MYO5B: variants seen among roughly 807,000 people sequenced by gnomAD.
MYO5B encodes the protein unconventional myosin-Vb.
Under a neutral mutation model 229.3 loss-of-function variants are expected in MYO5B, and 143 were observed. The observed-to-expected ratio is 0.62, with a 90% CI of 0.54 to 0.72. The LOEUF is 0.72. Ranked by LOEUF, MYO5B falls within the 30% of genes least tolerant of loss-of-function variation. The pLI, the probability that MYO5B is intolerant of heterozygous loss-of-function variation, is 0.00. For synonymous variants in MYO5B, 918 were observed against 885.2 expected, an observed-to-expected ratio of 1.04 and a Z score of -0.66; for missense variants, 2,321 against 2,331.0, an observed-to-expected ratio of 1.00 and a Z score of 0.09.
intron 2 of MYO5B, among the ~76,000 whole-genome samples, chr18:50,052,632 C>G (rs1238509755): frequency 6.7e-6 from 1 of 150,184 alleles, no homozygotes; most frequent in Non-Finnish European, 1.5e-5. Context: ...GTACAGCACA[C>G]CAGCATGGCA....
intron 26 of MYO5B, among the ~76,000 whole-genome samples, 159 bp from the exon 27 acceptor site, chr18:49,872,391 C>A (rs1341810428): frequency 6.6e-6 from 1 of 152,034 alleles, no homozygotes; most frequent in African/African-American, 2.4e-5. Flanking sequence ...CAAAGTGCAG[C>A]TCAACACTCC....
chr18:50,148,225 A>G (rs1476801680), intron 1 of MYO5B, among the ~76,000 whole-genome samples: 2 of 150,570 alleles, frequency 1.3e-5, no homozygotes, highest in East Asian at 3.9e-4. Flanking sequence ...CCAGGACCAG[A>G]TGGATTCACA....
At chr18:49,837,014 T>C (rs371664287) in intron 37 of MYO5B, 129 bp from the exon 38 acceptor site, 7 of 902,082 alleles carry the variant, frequency 7.8e-6, no homozygotes, top group Non-Finnish European at 7.0e-6. Flanking sequence ...TTAAAAAGCA[T>C]GGCAAGTGCC....
rs1202621638 is a variant in MYO5B at position 49,875,803 on chromosome 18, TGGC to T, written c.3418_3420del (p.Ala1140del). 6.2e-7 allele frequency: 1 copy of T among 1,614,202 alleles called. No homozygotes were observed. The highest frequency in any genetic ancestry group is 1.7e-5 in the Admixed American group (1 of 60,032). On this transcript the variant is annotated inframe_deletion, in exon 26 of 40. Transcript: ENST00000285039. The stretch of plus-strand genomic sequence containing the variant: ...AGCTTCAGGAAGACCGTCATGTCCA[TGGC>T]TGCCTTCTCCAGGCCAATTTCCTTC...
At chr18:50,119,024 T>C (rs1203421202) in intron 1 of MYO5B, among the ~76,000 whole-genome samples, 1 of 152,188 alleles carries the variant, frequency 6.6e-6, no homozygotes. Context: ...AAGATGTAAA[T>C]GATCAAGAGC....
intron 4 of MYO5B, among the ~76,000 whole-genome samples, chr18:50,023,376 G>A (rs956306161): frequency 2.6e-5 from 4 of 152,126 alleles, no homozygotes; most frequent in Admixed American, 2.0e-4. Flanking sequence ...CCAAGCTGCG[G>A]CGTGACCACA....
chr18:50,157,115 G>A (rs919800076), intron 1 of MYO5B, among the ~76,000 whole-genome samples: 2 of 151,676 alleles, frequency 1.3e-5, no homozygotes, highest in African/African-American at 4.8e-5. Context: ...CTGGGGGTGG[G>A]GAGGTGGGGG....
intron 1 of MYO5B, among the ~76,000 whole-genome samples, chr18:50,074,827 T>A (rs2144456003): frequency 6.6e-6 from 1 of 152,160 alleles, no homozygotes; most frequent in Admixed American, 6.5e-5. Context: ...TGGGGGTTTT[T>A]TTGTTTGTTT....
chr18:49,875,298 C>T (rs1293453921), intron 26 of MYO5B, among the ~76,000 whole-genome samples: 1 of 152,186 alleles, frequency 6.6e-6, no homozygotes, highest in Non-Finnish European at 1.5e-5. Context: ...AAAGGCTGAA[C>T]CCAAGCCCAT....
In MYO5B at chr18:50,097,068, C is replaced by T. The variant is rs141658090; in HGVS notation, c.28-41690G>A. On this transcript the variant is annotated intron_variant, in intron 1 of 39. Transcript: ENST00000285039. ...CAGTGAAATGACTTCATTTCCCAGG[C>T]AAGTCCCCAGATTTTCAACACTGCT... 1.2e-4 allele frequency among the ~76,000 whole-genome samples: 18 copies of T among 152,320 alleles called. No homozygotes were observed. The East Asian group carries it at 3.5e-3, about 29-fold the overall frequency.
intron 5 of MYO5B, among the ~76,000 whole-genome samples, chr18:49,993,055 G>A (rs141588347): frequency 9.1e-4 from 138 of 152,172 alleles, no homozygotes; most frequent in African/African-American, 3.2e-3. Flanking sequence ...CAGCATCAGG[G>A]TTACAGTTCA....
At position 49,973,331 on chromosome 18, in the gene MYO5B, G is replaced by C. The variant is rs528459098; in HGVS notation, c.1322+1019C>G. On this transcript the variant is annotated intron_variant, in intron 10 of 39. Transcript: ENST00000285039. Reference sequence around the variant, plus strand: ...AGGAGAGCCTGTCTCCGCATGCCACGTGGGGAAGTGGCCACTTCTACAGGG... The same window carrying C: ...AGGAGAGCCTGTCTCCGCATGCCACCTGGGGAAGTGGCCACTTCTACAGGG... Among the ~76,000 whole-genome samples, 10 of 152,308 alleles carry C rather than the reference G, an allele frequency of 6.6e-5. No homozygotes were observed. The South Asian group carries it at 1.9e-3, about 28-fold the overall frequency.
At chr18:50,183,897 T>C (rs936551313) in intron 1 of MYO5B, among the ~76,000 whole-genome samples, 5 of 152,272 alleles carry the variant, frequency 3.3e-5, no homozygotes, top group Admixed American at 2.6e-4. Context: ...TGAGTTGTTA[T>C]GACAGGATGT....
intron 1 of MYO5B, among the ~76,000 whole-genome samples, chr18:50,061,654 C>T (rs955826030): frequency 6.6e-6 from 1 of 152,166 alleles, no homozygotes; most frequent in Non-Finnish European, 1.5e-5. Flanking sequence ...CCACTAACAC[C>T]CATATCCCAC....
chr18:49,999,993 C>T (rs1018028632), intron 5 of MYO5B, among the ~76,000 whole-genome samples: 6 of 152,228 alleles, frequency 3.9e-5, no homozygotes, highest in South Asian at 2.1e-4. Flanking sequence ...CTGAAACTTG[C>T]TTTTCAAAAA....
chr18:49,891,566 C>T (rs2024715187), intron 22 of MYO5B, among the ~76,000 whole-genome samples: 1 of 152,194 alleles, frequency 6.6e-6, no homozygotes, highest in Non-Finnish European at 1.5e-5. Flanking sequence ...GTGCTTTCTG[C>T]AGCAAGACAA....
intron 1 of MYO5B, among the ~76,000 whole-genome samples, chr18:50,179,180 T>C (rs918396634): frequency 6.6e-6 from 1 of 152,020 alleles, no homozygotes; most frequent in Non-Finnish European, 1.5e-5. Flanking sequence ...TAGGCAGAGA[T>C]TGATGATAGT....
At chr18:49,913,568 C>A (rs973035831) in intron 17 of MYO5B, among the ~76,000 whole-genome samples, 11 of 152,070 alleles carry the variant, frequency 7.2e-5, no homozygotes, top group African/African-American at 2.7e-4. Context: ...CTGTCCATAC[C>A]CCTCACGTGG....
intron 34 of MYO5B, 95 bp downstream of exon 34, chr18:49,843,146 T>C: frequency 6.6e-7 from 1 of 1,522,192 alleles, no homozygotes; most frequent in South Asian, 1.1e-5. Context: ...CTAGGAGCAT[T>C]CACTACAGCC....
Sources: allele counts gnomAD v4.1 joint callset (sites outside exome capture counted in the v4.1 genomes callset), GRCh38; gene constraint gnomAD v4.1.1; transcripts MANE v1.5; gene names NCBI Gene and HGNC (gene_info 2026-07-23, HGNC 2026-07-21).